Variants in ATP8B4 observed in about 807,000 individuals in gnomAD.
ATP8B4 encodes probable phospholipid-transporting ATPase IM.
ATP8B4 carries 133 observed loss-of-function variants against 145.6 expected under a neutral mutation model. The ratio of observed to expected loss-of-function variants is 0.91; its 90% CI spans 0.79 to 1.05. The LOEUF (loss-of-function observed/expected upper bound fraction) is 1.05, where lower values mean the gene tolerates loss of function less well. Ranked by LOEUF, ATP8B4 falls within the 50% of genes least tolerant of loss-of-function variation. The pLI, the probability that ATP8B4 is intolerant of heterozygous loss-of-function variation, is 0.00. For synonymous variants in ATP8B4, 507 were observed against 492.9 expected (o/e 1.03, Z -0.38); for missense variants, 1,458 against 1,425.2 (o/e 1.02, Z -0.37).
chr15:49,865,767 C>T (rs901963184), intron 26 of ATP8B4, among the ~76,000 whole-genome samples: 2 of 152,132 alleles, frequency 1.3e-5, no homozygotes, highest in Non-Finnish European at 2.9e-5. Context: ...TATATTCTCG[C>T]ATGGAAAGAA....
At chr15:49,871,345 T>C (rs1366069968) in intron 25 of ATP8B4, among the ~76,000 whole-genome samples, 1 of 152,220 alleles carries the variant, frequency 6.6e-6, no homozygotes, top group Admixed American at 6.5e-5. Context: ...AGTCTCACTG[T>C]AGACTTTGTT....
chr15:50,083,829 C>A (rs1487449652), intron 2 of ATP8B4, among the ~76,000 whole-genome samples: 1 of 152,166 alleles, frequency 6.6e-6, no homozygotes, highest in Non-Finnish European at 1.5e-5. Flanking sequence ...ATTTATTGAG[C>A]TCGTTTGAGC....
intron 9 of ATP8B4, among the ~76,000 whole-genome samples, chr15:49,993,209 CAAAGAT>C (rs2047171755): frequency 6.6e-6 from 1 of 151,106 alleles, no homozygotes; most frequent in Admixed American, 6.6e-5. Flanking sequence ...GTGATAAAAA[CAAAGAT>C]AAAGAATGAC....
Position 49,860,171 on chromosome 15 carries a change from A to G in ATP8B4, c.*23T>C. 6.3e-7 allele frequency: 1 copy of G among 1,586,010 alleles called. No homozygotes were observed. The highest frequency in any genetic ancestry group is 8.6e-7 in the Non-Finnish European group (1 of 1,165,820). On this transcript the variant is annotated 3_prime_UTR_variant, in exon 28 of 28. Coordinates refer to ENST00000284509, the MANE Select transcript of ATP8B4 (RefSeq NM_024837.4). ...CTCCACCTGAAGTGAAAAGATAACT[A>G]CGTGGTTTAAATTCATATTGACTCA...
intron 23 of ATP8B4, among the ~76,000 whole-genome samples, chr15:49,881,080 C>T (rs1302136065): frequency 4.6e-5 from 7 of 152,048 alleles, no homozygotes; most frequent in Non-Finnish European, 1.0e-4. Context: ...CCACTGCACT[C>T]CAGCCTGGGT....
chr15:50,089,138 T>G (rs1470695188), intron 2 of ATP8B4, among the ~76,000 whole-genome samples: 1 of 152,096 alleles, frequency 6.6e-6, no homozygotes, highest in African/African-American at 2.4e-5. Context: ...CAAGATGGAT[T>G]AAAGACTCAA....
chr15:50,098,019 C>G (rs992506165), intron 2 of ATP8B4, among the ~76,000 whole-genome samples: 3 of 152,140 alleles, frequency 2.0e-5, no homozygotes, highest in African/African-American at 7.2e-5. Flanking sequence ...CAGGTTCATT[C>G]CTATCACTTC....
At chr15:49,919,065 T>C in intron 18 of ATP8B4, 115 bp from the exon 19 acceptor site, 1 of 744,816 alleles carries the variant, frequency 1.3e-6, no homozygotes. Context: ...AAGACAGAAA[T>C]TATGATACAT....
chr15:50,104,866 T>TAC (rs142425113), intron 2 of ATP8B4, among the ~76,000 whole-genome samples: 53 of 116,392 alleles, frequency 4.6e-4, no homozygotes, highest in African/African-American at 1.8e-3. Flanking sequence ...AAATGTTGCA[T>TAC]ACACACACAC....
chr15:49,931,497 C>G, intron 15 of ATP8B4, among the ~76,000 whole-genome samples, 190 bp from the exon 16 acceptor site: 1 of 151,998 alleles, frequency 6.6e-6, no homozygotes. Flanking sequence ...CCATAGGACT[C>G]TATGCATATC....
chr15:50,169,363 T>G (rs2044638602), intron 1 of ATP8B4, among the ~76,000 whole-genome samples: 1 of 152,162 alleles, frequency 6.6e-6, no homozygotes, highest in Admixed American at 6.5e-5. Flanking sequence ...GGACTCTGTG[T>G]GGACAACCAC....
At chr15:50,128,126 CA>C in intron 1 of ATP8B4, among the ~76,000 whole-genome samples, 1 of 152,204 alleles carries the variant, frequency 6.6e-6, no homozygotes, top group East Asian at 1.9e-4. Context: ...GAATTAATAT[CA>C]CCCCAGAAAA....
At chr15:50,042,300 T>C (rs1339528004) in intron 5 of ATP8B4, among the ~76,000 whole-genome samples, 2 of 152,198 alleles carry the variant, frequency 1.3e-5, no homozygotes, top group Non-Finnish European at 2.9e-5. Flanking sequence ...GCATTATTTG[T>C]GTGTATGTGT....
chr15:49,883,231 AG>A (rs1388380394), intron 23 of ATP8B4: 2 of 151,988 alleles, frequency 1.3e-5, no homozygotes, highest in Non-Finnish European at 2.9e-5. Context: ...TTAAGAAGAG[AG>A]AAAGAATCTG....
chr15:49,978,406 C>T (rs2045859027), intron 12 of ATP8B4, among the ~76,000 whole-genome samples: 1 of 152,148 alleles, frequency 6.6e-6, no homozygotes, highest in Non-Finnish European at 1.5e-5. Flanking sequence ...GTATTGTGGC[C>T]ACATGCCACT....
In ATP8B4 at chr15:50,044,632, T is replaced by A. The variant is rs1445317057; in HGVS notation, c.262A>T (p.Ile88Leu). 3.7e-6 allele frequency: 6 copies of A among 1,613,232 alleles called. No individual in the cohort carries two copies. The highest frequency in any genetic ancestry group is 5.1e-6 in the Non-Finnish European group (6 of 1,179,538). The change falls in exon 5 of 28, where the codon ATA becomes TTA. Residue 88 changes from isoleucine to leucine, a missense_variant. Physicochemically the swap from Ile to Leu is conservative, Grantham distance 5. Transcript: ENST00000284509. ...GCATCTTTGACAGCTGTCATAGTTA[T>A]CACCAGGACCAAAGGCACAATGGTG... ...FTTIVPLVLVITMTAVKDATD... is the reference protein window; with the variant it reads ...FTTIVPLVLVLTMTAVKDATD...
chr15:49,953,280 G>A (rs1391792933), intron 14 of ATP8B4, among the ~76,000 whole-genome samples: 6 of 152,124 alleles, frequency 3.9e-5, no homozygotes, highest in Non-Finnish European at 2.9e-5. Flanking sequence ...TTTAATCTGG[G>A]CTGCCTAGAT....
chr15:50,034,886 A>G (rs1335884472), intron 6 of ATP8B4, among the ~76,000 whole-genome samples: 1 of 152,224 alleles, frequency 6.6e-6, no homozygotes, highest in Non-Finnish European at 1.5e-5. Flanking sequence ...ACATCCTCTT[A>G]TGAAACATTT....
intron 14 of ATP8B4, among the ~76,000 whole-genome samples, chr15:49,958,117 A>T (rs147107948): frequency 0.013 from 1,944 of 151,700 alleles, 52 homozygotes; most frequent in Non-Finnish European, 0.012. Context: ...CCATCTGCAA[A>T]TTTTAAATTC....
Sources: allele counts gnomAD v4.1 joint callset (sites outside exome capture counted in the v4.1 genomes callset), GRCh38; gene constraint gnomAD v4.1.1; transcripts MANE v1.5; gene names NCBI Gene and HGNC (gene_info 2026-07-23, HGNC 2026-07-21).